NLRP7: variants seen among roughly 807,000 people sequenced by gnomAD.
NLRP7 encodes NLR family pyrin domain containing 7, also known as NACHT, LRR and PYD domains-containing protein 7.
In NLRP7, 72 loss-of-function variants were observed where a neutral mutation model predicts 85.5. The observed-to-expected ratio is 0.84, with a 90% CI of 0.70 to 1.02. The LOEUF (loss-of-function observed/expected upper bound fraction) is 1.02. Among genes scored for constraint, NLRP7 ranks in the 50% least tolerant of loss-of-function variants. NLRP7 has a pLI of 0.00. For synonymous variants in NLRP7, 550 were observed against 505.2 expected (o/e 1.09, Z -1.19); for missense variants, 1,243 against 1,219.5 (o/e 1.02, Z -0.29).
intron 6 of NLRP7, among the ~76,000 whole-genome samples, chr19:54,935,616 C>A (rs964280078): frequency 1.3e-5 from 2 of 151,544 alleles, no homozygotes; most frequent in Admixed American, 1.3e-4. Flanking sequence ...CTGCTTGAAC[C>A]CAGGAGGCGG....
At chr19:54,950,892 A>G (rs1280109772), upstream of NLRP7, among the ~76,000 whole-genome samples, 1 of 152,174 alleles carries the variant, frequency 6.6e-6, no homozygotes, top group Non-Finnish European at 1.5e-5. Flanking sequence ...ATTTCAGGCT[A>G]TCACATGGGG....
At position 54,934,401 on chromosome 19, in the gene NLRP7, G is replaced by T; in HGVS notation, c.2471+88C>A. On this transcript the variant is annotated intron_variant, in intron 7 of 9. Coordinates refer to ENST00000340844, the Ensembl canonical transcript of NLRP7. The surrounding 1 kb of genome is among the most constrained non-coding windows in gnomAD (Gnocchi z 6.7). ...TGTTTATTTCAGCAAGAGGCGCCAC[G>T]TGGGTGGCGCAGTAAGTCAGGTGTT... 7.5e-7 allele frequency: 1 copy of T among 1,335,574 alleles called. No individual in the cohort carries two copies. Among genetic ancestry groups the T allele is most frequent in the Non-Finnish European group, 1.1e-6 (1 of 926,014 alleles). The allele number at this position is 1,335,574 out of a possible 1,614,324, so 82.7% of individuals were successfully genotyped here.
chr19:54,939,940 G>C (rs150041734), exon 4 of NLRP7: 2 of 1,614,128 alleles, frequency 1.2e-6, no homozygotes, highest in Non-Finnish European at 1.7e-6. Flanking sequence ...AGGCTGCCCT[G>C]GGTAACATCT....
intron 3 of NLRP7, 27 bp from the exon 4 acceptor site, chr19:54,940,493 G>A: frequency 6.2e-7 from 1 of 1,611,536 alleles, no homozygotes; most frequent in Non-Finnish European, 8.5e-7. Flanking sequence ...TAGGACAGTT[G>A]AGGTTGATGA....
intron 9 of NLRP7, among the ~76,000 whole-genome samples, chr19:54,926,183 A>G (rs2068428145): frequency 6.7e-6 from 1 of 149,010 alleles, no homozygotes; most frequent in Non-Finnish European, 1.5e-5. Flanking sequence ...GGAACTACCT[A>G]TTTTTGGATA....
exon 8 of NLRP7, chr19:54,933,724 A>T: frequency 1.2e-6 from 2 of 1,614,160 alleles, no homozygotes; most frequent in Non-Finnish European, 1.7e-6. Flanking sequence ...CTTCTGTAAG[A>T]CGACAGTTTT....
chr19:54,960,830 C>CAG (rs1385854987), intron 1 of NLRP7, among the ~76,000 whole-genome samples: 2 of 151,416 alleles, frequency 1.3e-5, no homozygotes, highest in African/African-American at 4.9e-5. Flanking sequence ...CTCCTGACCT[C>CAG]GTGATCCGCT....
At chr19:54,962,831 C>T (rs2070104284) in intron 1 of NLRP7, among the ~76,000 whole-genome samples, 1 of 149,670 alleles carries the variant, frequency 6.7e-6, no homozygotes, top group African/African-American at 2.5e-5. Flanking sequence ...CATCTCCTGA[C>T]CTCGTGATCC....
Position 54,940,127 on chromosome 19 carries a change from C to T in NLRP7, c.692G>A (p.Trp231Ter). Residue 231 changes from tryptophan (W) to a stop codon, truncating the protein, a stop_gained, in exon 4 of 10, where the codon TGG (tryptophan) becomes TAG (stop). Transcript: ENST00000340844. LOFTEE classifies it high-confidence loss of function. Reference sequence around the variant, plus strand: ...TGGAATGTCATCCTGCAATTCAGGCCAGTCTTTGGAGATCAGCTCTGCAAA... The same window carrying T: ...TGGAATGTCATCCTGCAATTCAGGCTAGTCTTTGGAGATCAGCTCTGCAAA... The T allele has an allele frequency of 1.9e-6, 3 of 1,614,176 alleles. No individual in the cohort carries two copies. The highest frequency in any genetic ancestry group is 2.5e-6 in the Non-Finnish European group (3 of 1,180,044).
chr19:54,933,568 C>T lies in NLRP7; in HGVS notation c.2642+1G>A. ...CACACACACACCCAGCAGGGACTTACACCAAGGTCTGCAGTTTACAATCAG... is the reference window on the plus strand; with the variant it reads ...CACACACACACCCAGCAGGGACTTATACCAAGGTCTGCAGTTTACAATCAG... On this transcript the variant is annotated splice_donor_variant, in intron 8 of 9. Transcript: ENST00000340844. LOFTEE classifies it high-confidence loss of function. 1.2e-6 allele frequency: 2 copies of T among 1,614,160 alleles called. No individual in the cohort carries two copies. The highest frequency in any genetic ancestry group is 1.7e-6 in the Non-Finnish European group (2 of 1,180,010).
chr19:54,939,008 A>G, exon 4 of NLRP7: 1 of 1,614,182 alleles, frequency 6.2e-7, no homozygotes, highest in East Asian at 2.2e-5. Flanking sequence ...ACAATGCATC[A>G]CTTCAGAAGT....
chr19:54,944,968 G>A (rs79824426), intron 1 of NLRP7, among the ~76,000 whole-genome samples: 4,929 of 151,934 alleles, frequency 0.032, 295 homozygotes, highest in African/African-American at 0.11. Flanking sequence ...GGCCAGGCAC[G>A]GTGGCTCACG....
chr19:54,962,581 TTTTC>T (rs562882976), intron 1 of NLRP7, among the ~76,000 whole-genome samples: 42 of 142,680 alleles, frequency 2.9e-4, no homozygotes, highest in African/African-American at 5.2e-4. Context: ...CCTCATTTTC[TTTTC>T]TTTCTTTCTT....
chr19:54,940,240 C>T, exon 4 of NLRP7: 1 of 1,614,164 alleles, frequency 6.2e-7, no homozygotes, highest in African/African-American at 1.3e-5. Context: ...CTGTCCAGTC[C>T]AGCATACACT....
upstream of NLRP7, among the ~76,000 whole-genome samples, chr19:54,948,317 G>T (rs2069559402): frequency 6.6e-6 from 1 of 152,092 alleles, no homozygotes. Context: ...CTAGGGAGGT[G>T]GAGGGTGAGT....
At chr19:54,951,376 G>A (rs753984427), upstream of NLRP7, among the ~76,000 whole-genome samples, 6 of 151,864 alleles carry the variant, frequency 4.0e-5, no homozygotes, top group Non-Finnish European at 5.9e-5. Context: ...GTGAAACTGC[G>A]TCTCTACAAA....
exon 4 of NLRP7, chr19:54,939,850 G>A (rs753646604): frequency 9.9e-6 from 16 of 1,613,828 alleles, no homozygotes; most frequent in African/African-American, 1.3e-5. Flanking sequence ...CCTCCAGGAA[G>A]CCCTCCACCC....
chr19:54,940,930 C>T lies in NLRP7; in HGVS notation c.352+1G>A, dbSNP rs104895504. 6.3e-7 allele frequency: 1 copy of T among 1,598,358 alleles called. No homozygotes were observed. The highest frequency in any genetic ancestry group is 1.3e-5 in the African/African-American group (1 of 74,750). On this transcript the variant is annotated splice_donor_variant, in intron 3 of 9. Transcript: ENST00000340844. LOFTEE classifies it high-confidence loss of function. ...ATGACCATAGGACCGTATTTACCCA[C>T]CTGGCTTTGCTAACTCCGAGTCTTC...
chr19:54,957,346 C>CTTTTTTTTT (rs369473061), intron 1 of NLRP7, among the ~76,000 whole-genome samples: 1 of 128,058 alleles, frequency 7.8e-6, no homozygotes, highest in African/African-American at 3.1e-5. Context: ...TCTTCTTCTT[C>CTTTTTTTTT]TTTTTTTTTT....
Sources: allele counts gnomAD v4.1 joint callset (sites outside exome capture counted in the v4.1 genomes callset), GRCh38; gene constraint gnomAD v4.1.1; non-coding constraint Gnocchi (gnomAD v3.1); transcripts MANE v1.5; gene names NCBI Gene and HGNC (gene_info 2026-07-23, HGNC 2026-07-21).